Variants in ARID3B observed in about 807,000 individuals in gnomAD.
The protein encoded by ARID3B is AT-rich interactive domain-containing protein 3B.
A neutral mutation model predicts 51.9 loss-of-function variants in ARID3B; 10 were observed. The ratio of observed to expected loss-of-function variants is 0.19; its 90% CI spans 0.12 to 0.33. The LOEUF (loss-of-function observed/expected upper bound fraction) is 0.33, where lower values mean the gene tolerates loss of function less well. Among genes scored for constraint, ARID3B ranks in the 10% least tolerant of loss-of-function variants. ARID3B has a pLI of 1.00. For synonymous variants in ARID3B, 205 were observed against 279.5 expected (o/e 0.73, Z 2.66); for missense variants, 483 against 716.3 (o/e 0.67, Z 3.72).
Position 74,543,948 on chromosome 15 carries a change from TCA to T in ARID3B, c.13_14del (p.Gln5AlafsTer78). On this transcript the variant is annotated frameshift_variant, in exon 2 of 9. Transcript: ENST00000346246. LOFTEE classifies it high-confidence loss of function. ...AGCTTGAGGCAAAAATGGAGCCACT[TCA>T]GCAGCAGCAGCAGCAGCAGCAGCAA... MEPL[Q>X]QQQQQQQQQQ... 6.2e-7 allele frequency: 1 copy of T among 1,607,572 alleles called. No individual in the cohort carries two copies.
At chr15:74,569,929 A>G (rs1333988037) in intron 2 of ARID3B, among the ~76,000 whole-genome samples, 1 of 152,198 alleles carries the variant, frequency 6.6e-6, no homozygotes, top group Non-Finnish European at 1.5e-5. Context: ...TTGGAGCTGG[A>G]CGAAAGAAAA....
intron 2 of ARID3B, among the ~76,000 whole-genome samples, chr15:74,561,831 T>C (rs2061680506): frequency 6.6e-6 from 1 of 152,220 alleles, no homozygotes; most frequent in South Asian, 2.1e-4. Flanking sequence ...GCACACTCAG[T>C]AGAAACTACT....
rs1332481036 is a variant in ARID3B at position 74,596,584 on chromosome 15, C to T, written c.*810C>T. 1 of 233,704 alleles carries T rather than the reference C, an allele frequency of 4.3e-6. No homozygotes were observed. Among genetic ancestry groups the T allele is most frequent in the African/African-American group, 2.2e-5 (1 of 45,328 alleles). 14.5% of individuals were successfully genotyped at this position (233,704 alleles called of 1,614,324 possible). A position where few individuals can be genotyped will look rare whatever the true frequency, so the allele number is the denominator to read the frequency against. Reference sequence around the variant, plus strand: ...GCCCACTCATCCTTTCCCCAGCCCTCTTCAGCCCTCCCCAGTCCTCCCCAG... The same window carrying T: ...GCCCACTCATCCTTTCCCCAGCCCTTTTCAGCCCTCCCCAGTCCTCCCCAG... On this transcript the variant is annotated 3_prime_UTR_variant, in exon 9 of 9. Transcript: ENST00000346246.
chr15:74,549,881 T>C (rs2061630013), intron 2 of ARID3B, among the ~76,000 whole-genome samples: 2 of 152,194 alleles, frequency 1.3e-5, no homozygotes, highest in East Asian at 1.9e-4. Flanking sequence ...CCAGGGATGC[T>C]GCTAAACATC....
At chr15:74,554,088 G>A (rs2061647821) in intron 2 of ARID3B, among the ~76,000 whole-genome samples, 1 of 151,610 alleles carries the variant, frequency 6.6e-6, no homozygotes, top group Non-Finnish European at 1.5e-5. Flanking sequence ...CTCATTACGA[G>A]CTCCGCCTCC....
intron 2 of ARID3B, among the ~76,000 whole-genome samples, chr15:74,571,714 T>C (rs577427638): frequency 1.3e-5 from 2 of 152,318 alleles, no homozygotes; most frequent in African/African-American, 4.8e-5. Context: ...TCCCAAGTAA[T>C]ATGTTAAAAT....
At chr15:74,576,219 A>G (rs996882760) in intron 4 of ARID3B, among the ~76,000 whole-genome samples, 1 of 152,164 alleles carries the variant, frequency 6.6e-6, no homozygotes, top group Non-Finnish European at 1.5e-5. Context: ...AGCAGTATCC[A>G]TGGCCTCTAT....
At chr15:74,590,389 C>G (rs146009593) in intron 5 of ARID3B, among the ~76,000 whole-genome samples, 2 of 152,190 alleles carry the variant, frequency 1.3e-5, no homozygotes, top group Non-Finnish European at 2.9e-5. Context: ...TGTGCCCCTT[C>G]CAGGACATTG....
In ARID3B at chr15:74,589,929, G is replaced by T. The variant is rs750254667; in HGVS notation, c.807G>T (p.Lys269Asn). ...GCCTGGTGGAGATCATCAACAAGAA[G>T]ATCTGGAGGGAGATCACCAAAGGCC... ...KGGLVEIINK[K>N]IWREITKGLN... The change falls in exon 5 of 9, where the codon AAG becomes AAT. Residue 269 changes from lysine to asparagine, a missense_variant. Coordinates refer to ENST00000346246, the MANE Select transcript of ARID3B (RefSeq NM_006465.4). 3 of 1,613,970 alleles carry T rather than the reference G, an allele frequency of 1.9e-6. No homozygotes were observed. The highest frequency in any genetic ancestry group is 2.7e-5 in the African/African-American group (2 of 74,878).
Position 74,544,501 on chromosome 15 carries a change from G to C in ARID3B, c.552+13G>C, listed in dbSNP as rs1476947297. 6.2e-7 allele frequency: 1 copy of C among 1,605,528 alleles called. No individual in the cohort carries two copies. Among genetic ancestry groups the C allele is most frequent in the Admixed American group, 1.7e-5 (1 of 59,192 alleles). On this transcript the variant is annotated intron_variant, in intron 2 of 8. Transcript: ENST00000346246. ...GCAGCTCAAGCAGGTCAGTCTTTCT[G>C]GTATTGTAGGTCATTTGGTCTTCCT... is the stretch of plus-strand genomic sequence containing the variant.
chr15:74,554,666 G>A (rs776256865), intron 2 of ARID3B, among the ~76,000 whole-genome samples: 10 of 152,008 alleles, frequency 6.6e-5, no homozygotes, highest in Non-Finnish European at 1.5e-4. Flanking sequence ...TTTCTGTCTT[G>A]TATTGATTTG....
At chr15:74,542,027 T>G (rs907525175) in intron 1 of ARID3B, among the ~76,000 whole-genome samples, 4 of 152,148 alleles carry the variant, frequency 2.6e-5, no homozygotes, top group Non-Finnish European at 5.9e-5. Flanking sequence ...TCAGTCTTAC[T>G]ATAAGAGGCT....
rs1393256863 is a variant in ARID3B at position 74,596,318 on chromosome 15, G to A, written c.*544G>A. The A allele has an allele frequency of 2.1e-5, 5 of 233,644 alleles. No individual in the cohort carries two copies. Among genetic ancestry groups the A allele is most frequent in the East Asian group, 6.0e-5 (1 of 16,564 alleles). 14.5% of individuals were successfully genotyped at this position (233,644 alleles called of 1,614,324 possible). ...GCCTACTGTTAGGTTCCTGGGGTAC[G>A]GGTCCCTCAAACACAAGTCTTGAAT... On this transcript the variant is annotated 3_prime_UTR_variant, in exon 9 of 9. Coordinates refer to ENST00000346246, the MANE Select transcript of ARID3B (RefSeq NM_006465.4).
At chr15:74,559,576 A>C (rs1002391292) in intron 2 of ARID3B, among the ~76,000 whole-genome samples, 3 of 152,182 alleles carry the variant, frequency 2.0e-5, no homozygotes, top group Non-Finnish European at 4.4e-5. Context: ...TCAAGTGGGA[A>C]GCTTGTGGTC....
At chr15:74,590,559 GAA>G (rs2061799269) in intron 5 of ARID3B, among the ~76,000 whole-genome samples, 1 of 152,242 alleles carries the variant, frequency 6.6e-6, no homozygotes, top group South Asian at 2.1e-4. Context: ...TGGAAGCGGT[GAA>G]ACCAATAGTA....
intron 2 of ARID3B, among the ~76,000 whole-genome samples, chr15:74,548,391 G>A (rs764478787): frequency 2.6e-5 from 4 of 152,172 alleles, no homozygotes; most frequent in African/African-American, 7.2e-5. Context: ...GCATGTGTCC[G>A]ATTTTCTGCA....
intron 4 of ARID3B, among the ~76,000 whole-genome samples, chr15:74,589,086 G>T (rs2061793636): frequency 1.5e-5 from 2 of 136,116 alleles, no homozygotes; most frequent in Admixed American, 8.7e-5. Flanking sequence ...GGAGTGCAGT[G>T]GTGTGATCTC....
chr15:74,593,041 T>G, intron 7 of ARID3B, 97 bp from the exon 8 acceptor site: 10 of 1,019,922 alleles, frequency 9.8e-6, no homozygotes, highest in Non-Finnish European at 1.5e-5. Context: ...TTTAACAGCG[T>G]GAGGCTTTGA....
intron 2 of ARID3B, among the ~76,000 whole-genome samples, chr15:74,545,289 T>C (rs2061611574): frequency 6.6e-6 from 1 of 152,220 alleles, no homozygotes; most frequent in Non-Finnish European, 1.5e-5. Context: ...ACAAAGAGCC[T>C]TGTAGACATG....
Sources: allele counts gnomAD v4.1 joint callset (sites outside exome capture counted in the v4.1 genomes callset), GRCh38; gene constraint gnomAD v4.1.1; transcripts MANE v1.5; gene names NCBI Gene and HGNC (gene_info 2026-07-23, HGNC 2026-07-21).